Variants in HTR4 observed in about 807,000 individuals in gnomAD.
HTR4 encodes 5-hydroxytryptamine receptor 4.
Under a neutral mutation model 36.8 loss-of-function variants are expected in HTR4, and 16 were observed. The ratio of observed to expected loss-of-function variants is 0.43; its 90% CI spans 0.29 to 0.66. The LOEUF is 0.66. Ranked by LOEUF, HTR4 falls within the 30% of genes least tolerant of loss-of-function variation. The pLI, the probability that HTR4 is intolerant of heterozygous loss-of-function variation, is 0.13. For synonymous variants in HTR4, 189 were observed against 185.1 expected (o/e 1.02, Z -0.17); for missense variants, 438 against 490.9 (o/e 0.89, Z 1.02).
chr5:148,478,747 T>A (rs1755785773), downstream of HTR4, among the ~76,000 whole-genome samples: 1 of 152,072 alleles, frequency 6.6e-6, no homozygotes, highest in South Asian at 2.1e-4. Context: ...GATTTGTGTA[T>A]GAAGAAAGGA....
At chr5:148,544,737 G>A (rs982415850) in intron 4 of HTR4, among the ~76,000 whole-genome samples, 3 of 152,182 alleles carry the variant, frequency 2.0e-5, no homozygotes, top group Non-Finnish European at 2.9e-5. Context: ...AATTCTGAAA[G>A]CACCAGGAAG....
At chr5:148,457,153 T>C (rs1258972761) in intron 5 of HTR4, among the ~76,000 whole-genome samples, 1 of 151,790 alleles carries the variant, frequency 6.6e-6, no homozygotes, top group Non-Finnish European at 1.5e-5. Flanking sequence ...GAGACAATCA[T>C]CTGTCAGAGT....
chr5:148,508,855 C>G (rs1039682251), intron 6 of HTR4, among the ~76,000 whole-genome samples: 12 of 151,818 alleles, frequency 7.9e-5, no homozygotes, highest in Non-Finnish European at 1.6e-4. Context: ...ATGTCATGCC[C>G]TATATGAATA....
intron 6 of HTR4, among the ~76,000 whole-genome samples, chr5:148,483,780 G>T (rs1756008208): frequency 6.6e-6 from 1 of 152,026 alleles, no homozygotes; most frequent in African/African-American, 2.4e-5. Flanking sequence ...CATCAATTGG[G>T]TTTATTTCTA....
chr5:148,547,378 G>A (rs899405178), intron 4 of HTR4, among the ~76,000 whole-genome samples: 2 of 151,982 alleles, frequency 1.3e-5, no homozygotes, highest in Middle Eastern at 3.2e-3. Context: ...AATTAGCTGG[G>A]CCTGGTGGCG....
chr5:148,483,934 ATTATTTAT>A (rs146566008), intron 6 of HTR4, among the ~76,000 whole-genome samples: 14,998 of 144,664 alleles, frequency 0.1, 936 homozygotes, highest in African/African-American at 0.17. Flanking sequence ...AGTTGATTTT[ATTATTTAT>A]TTATTTATTT....
intron 5 of HTR4, among the ~76,000 whole-genome samples, chr5:148,453,041 T>A (rs978931773): frequency 1.2e-4 from 18 of 151,936 alleles, no homozygotes; most frequent in African/African-American, 4.4e-4. Flanking sequence ...CACAGGGGAG[T>A]GGAAGCTGGA....
intron 5 of HTR4, among the ~76,000 whole-genome samples, chr5:148,460,439 T>C (rs934814619): frequency 2.6e-5 from 4 of 151,884 alleles, no homozygotes; most frequent in African/African-American, 4.8e-5. Context: ...AAAAATTACA[T>C]CCAACTTCTC....
rs527822965 is a variant in HTR4 at position 148,516,389 on chromosome 5, G to A, written c.508-6365C>T. Among the ~76,000 whole-genome samples, 146 of 139,280 alleles carry A rather than the reference G, an allele frequency of 1.0e-3. 1 individual carries two copies. The highest frequency in any genetic ancestry group is 3.8e-3 in the African/African-American group (142 of 37,038). 91.4% of individuals were successfully genotyped at this position (139,280 alleles called of 152,430 possible). A position where few individuals can be genotyped will look rare whatever the true frequency, so the allele number is the denominator to read the frequency against. Reference sequence around the variant, plus strand: ...GGCTGGAGTGCAATGGCACAATCTCGGCTCACTGCAACCTCCACCTCATGG... The same window carrying A: ...GGCTGGAGTGCAATGGCACAATCTCAGCTCACTGCAACCTCCACCTCATGG... On this transcript the variant is annotated intron_variant, in intron 5 of 6. Transcript: ENST00000377888.
chr5:148,540,426 A>G lies in HTR4; in HGVS notation c.353+8242T>C, dbSNP rs1479591474. 2.7e-3 allele frequency among the ~76,000 whole-genome samples: 363 copies of G among 136,718 alleles called. 9 individuals carry two copies. Among genetic ancestry groups the G allele is most frequent in the Non-Finnish European group, 3.7e-3 (234 of 63,586 alleles). 89.7% of individuals were successfully genotyped at this position (136,718 alleles called of 152,430 possible). ...TATATATATATATATATATATATAT[A>G]TATATATATATATATATATATAATC... On this transcript the variant is annotated intron_variant, in intron 4 of 6. Transcript: ENST00000377888.
chr5:148,539,107 C>T (rs1183307562), intron 4 of HTR4, among the ~76,000 whole-genome samples: 1 of 152,062 alleles, frequency 6.6e-6, no homozygotes, highest in African/African-American at 2.4e-5. Context: ...ACAAAGCTGA[C>T]AAAAACAGGC....
chr5:148,560,225 A>G (rs1289734707), intron 2 of HTR4, among the ~76,000 whole-genome samples: 1 of 144,916 alleles, frequency 6.9e-6, no homozygotes, highest in Non-Finnish European at 1.5e-5. Context: ...AAAAAAAAAA[A>G]GAGGAGGATT....
At chr5:148,636,890 A>ATCCATTAAC in intron 2 of HTR4, 99 bp downstream of exon 2, 1 of 716,554 alleles carries the variant, frequency 1.4e-6, no homozygotes, top group Non-Finnish European at 2.4e-6. Flanking sequence ...GAAAATCCAC[A>ATCCATTAAC]TCCATTAACT....
chr5:148,465,983 A>G (rs1176339930), intron 5 of HTR4: 5 of 1,580,908 alleles, frequency 3.2e-6, no homozygotes, highest in Non-Finnish European at 4.3e-6. Flanking sequence ...GAATTTGGGA[A>G]AGAAAAAAGA....
intron 2 of HTR4, among the ~76,000 whole-genome samples, chr5:148,622,607 C>G (rs1266182208): frequency 6.6e-6 from 1 of 152,140 alleles, no homozygotes; most frequent in South Asian, 2.1e-4. Context: ...AAACTTGGTT[C>G]TGTTATTTAC....
intron 4 of HTR4, among the ~76,000 whole-genome samples, chr5:148,529,255 A>G (rs1758436447): frequency 6.6e-6 from 1 of 152,160 alleles, no homozygotes; most frequent in South Asian, 2.1e-4. Flanking sequence ...GCTAAGAATC[A>G]TGAAATCCTC....
intron 2 of HTR4, among the ~76,000 whole-genome samples, chr5:148,610,132 T>C (rs568109293): frequency 1.3e-4 from 20 of 151,672 alleles, no homozygotes; most frequent in Admixed American, 2.0e-4. Context: ...AGAAAAAGAG[T>C]GAGTGGAGGC....
At chr5:148,647,395 A>G (rs1753902944) in intron 1 of HTR4, among the ~76,000 whole-genome samples, 1 of 152,174 alleles carries the variant, frequency 6.6e-6, no homozygotes, top group African/African-American at 2.4e-5. Context: ...AAACTCTACT[A>G]CTTGGAAGGT....
chr5:148,564,336 A>G (rs535947849), intron 2 of HTR4, among the ~76,000 whole-genome samples: 1 of 152,250 alleles, frequency 6.6e-6, no homozygotes, highest in African/African-American at 2.4e-5. Flanking sequence ...CCTGACCTCA[A>G]TATTGTCCCT....
Sources: gnomAD v4.1 joint callset for allele counts (sites outside exome capture counted in the v4.1 genomes callset) on GRCh38, gnomAD v4.1.1 for gene constraint, MANE v1.5 for transcripts, NCBI Gene and HGNC (gene_info 2026-07-23, HGNC 2026-07-21) for gene names.